LHFPL2: variants seen among roughly 807,000 people sequenced by gnomAD.
LHFPL2 encodes LHFPL tetraspan subfamily member 2, also known as LHFPL tetraspan subfamily member 2 protein.
Under a neutral mutation model 17.5 loss-of-function variants are expected in LHFPL2, and 7 were observed. That is an observed-to-expected ratio of 0.40 (90% CI 0.23 to 0.75). LHFPL2 has a LOEUF of 0.75. Among genes scored for constraint, LHFPL2 ranks in the 30% least tolerant of loss-of-function variants. The probability of loss-of-function intolerance (pLI) is 0.37; values close to 1 mark genes in which losing one functional copy is unlikely to be tolerated. For synonymous variants in LHFPL2, 134 were observed against 116.2 expected, an observed-to-expected ratio of 1.15 and a Z score of -0.99; for missense variants, 241 against 294.8, an observed-to-expected ratio of 0.82 and a Z score of 1.34.
At chr5:78,621,449 G>A (rs1450131939) in intron 2 of LHFPL2, among the ~76,000 whole-genome samples, 1 of 151,954 alleles carries the variant, frequency 6.6e-6, no homozygotes, top group Non-Finnish European at 1.5e-5. Flanking sequence ...CTTCCTTGCA[G>A]TAATACTCTC....
intron 2 of LHFPL2, among the ~76,000 whole-genome samples, chr5:78,571,097 T>C (rs1756988468): frequency 6.6e-6 from 1 of 152,178 alleles, no homozygotes; most frequent in Non-Finnish European, 1.5e-5. Flanking sequence ...TCTTTCCTTT[T>C]CCAAAGGCAG....
chr5:78,530,755 A>C (rs1259059763), intron 3 of LHFPL2, among the ~76,000 whole-genome samples: 1 of 152,236 alleles, frequency 6.6e-6, no homozygotes, highest in Non-Finnish European at 1.5e-5. Flanking sequence ...AGAATTCCAT[A>C]TGCAAATATG....
intron 1 of LHFPL2, among the ~76,000 whole-genome samples, chr5:78,639,079 G>A (rs1356888049): frequency 6.6e-6 from 1 of 152,144 alleles, no homozygotes; most frequent in Non-Finnish European, 1.5e-5. Context: ...AGTGGTTCTT[G>A]CCTAACATGG....
At chr5:78,567,589 T>G (rs998836546) in intron 2 of LHFPL2, among the ~76,000 whole-genome samples, 6 of 152,148 alleles carry the variant, frequency 3.9e-5, no homozygotes, top group Non-Finnish European at 7.3e-5. Context: ...GACTAATGTT[T>G]CTGAAAAACA....
At chr5:78,583,263 G>A (rs1177034324) in intron 2 of LHFPL2, among the ~76,000 whole-genome samples, 2 of 151,594 alleles carry the variant, frequency 1.3e-5, no homozygotes, top group South Asian at 2.1e-4. Context: ...CTTTTAATTG[G>A]AGCATTTAGT....
Position 78,621,804 on chromosome 5 carries a change from G to A in LHFPL2, c.-245+10460C>T, listed in dbSNP as rs140302855. Among the ~76,000 whole-genome samples the A allele has an allele frequency of 3.4e-3, 514 of 152,212 alleles. 4 individuals are homozygous for A. Among genetic ancestry groups the A allele is most frequent in the African/African-American group, 0.012 (499 of 41,518 alleles). ...CAGGTCAGGCCTGTTAATGGTGTGT[G>A]ATACATTGCTATTCTCTCAGGACAA... On this transcript the variant is annotated intron_variant, in intron 2 of 4. Coordinates refer to ENST00000380345, the MANE Select transcript of LHFPL2 (RefSeq NM_005779.3).
At chr5:78,539,867 T>G (rs1197788054) in intron 3 of LHFPL2, among the ~76,000 whole-genome samples, 2 of 151,956 alleles carry the variant, frequency 1.3e-5, no homozygotes, top group Non-Finnish European at 2.9e-5. Context: ...CCCTTCAAAG[T>G]TATTAAGATA....
At chr5:78,534,632 G>A (rs1755888806) in intron 3 of LHFPL2, among the ~76,000 whole-genome samples, 1 of 152,224 alleles carries the variant, frequency 6.6e-6, no homozygotes, top group South Asian at 2.1e-4. Flanking sequence ...TCCTTCCCAT[G>A]TCACTGAAGC....
chr5:78,645,211 A>G (rs1053517907), intron 1 of LHFPL2, among the ~76,000 whole-genome samples: 1 of 151,480 alleles, frequency 6.6e-6, no homozygotes, highest in African/African-American at 2.4e-5. Flanking sequence ...GGGAGCTTCC[A>G]GGGTCTATGG....
Position 78,529,263 on chromosome 5 carries a change from G to A in LHFPL2, c.-185-18865C>T, listed in dbSNP as rs553154250. Among the ~76,000 whole-genome samples, 23 of 152,224 alleles carry A rather than the reference G, an allele frequency of 1.5e-4. 1 individual carries two copies. The highest frequency in any genetic ancestry group is 3.1e-4 in the Non-Finnish European group (21 of 68,040). The stretch of plus-strand genomic sequence containing the variant: ...ATTGTGCCACTACACTCCAGCCTGA[G>A]CAACAGAGTGAGGACCTATTTCTAA... On this transcript the variant is annotated intron_variant, in intron 3 of 4. Transcript: ENST00000380345.
At chr5:78,545,949 T>C (rs966532025) in intron 3 of LHFPL2, among the ~76,000 whole-genome samples, 1 of 152,170 alleles carries the variant, frequency 6.6e-6, no homozygotes, top group Non-Finnish European at 1.5e-5. Flanking sequence ...GAGGCTGAAA[T>C]GAAGAAACTA....
chr5:78,587,374 A>G (rs1743453261), intron 2 of LHFPL2, among the ~76,000 whole-genome samples: 1 of 152,224 alleles, frequency 6.6e-6, no homozygotes, highest in Admixed American at 6.5e-5. Flanking sequence ...ACCACTTTAA[A>G]GGGTCTGCAG....
At chr5:78,548,276 G>T (rs182519207) in intron 3 of LHFPL2, among the ~76,000 whole-genome samples, 5 of 152,324 alleles carry the variant, frequency 3.3e-5, no homozygotes, top group African/African-American at 9.6e-5. Flanking sequence ...AGCTCCACCC[G>T]GCCTTGGGGC....
intron 3 of LHFPL2, among the ~76,000 whole-genome samples, chr5:78,515,322 T>C (rs1274274697): frequency 8.0e-6 from 1 of 124,402 alleles, no homozygotes; most frequent in African/African-American, 3.4e-5. Flanking sequence ...CTGGGCTAGT[T>C]GTCCTACAAA....
intron 2 of LHFPL2, among the ~76,000 whole-genome samples, chr5:78,597,322 GT>G (rs1003025885): frequency 1.3e-5 from 2 of 152,092 alleles, no homozygotes; most frequent in African/African-American, 4.8e-5. Context: ...GTCTCTTCCA[GT>G]TTTTTTCAAT....
chr5:78,584,993 G>GTTTTTTTTTTTT (rs1561352310), intron 2 of LHFPL2, among the ~76,000 whole-genome samples: 3 of 84,774 alleles, frequency 3.5e-5, no homozygotes, highest in African/African-American at 1.5e-4. Context: ...CTGGTGCGCT[G>GTTTTTTTTTTTT]TGTTTTTTTT....
chr5:78,506,011 G>C (rs1754920957), intron 4 of LHFPL2, among the ~76,000 whole-genome samples: 1 of 152,250 alleles, frequency 6.6e-6, no homozygotes, highest in African/African-American at 2.4e-5. Context: ...TCAAGGACAT[G>C]TGCACAGTAT....
intron 3 of LHFPL2, among the ~76,000 whole-genome samples, chr5:78,546,450 A>G (rs1318345684): frequency 6.6e-6 from 1 of 152,210 alleles, no homozygotes. Flanking sequence ...AAACCACTCA[A>G]CCTCAAGACT....
chr5:78,593,458 C>CA (rs1375574020), intron 2 of LHFPL2, among the ~76,000 whole-genome samples: 1 of 152,086 alleles, frequency 6.6e-6, no homozygotes, highest in Non-Finnish European at 1.5e-5. Flanking sequence ...CTTCACACTC[C>CA]AAAAACAGTA....
Sources: allele counts gnomAD v4.1 joint callset (sites outside exome capture counted in the v4.1 genomes callset), GRCh38; gene constraint gnomAD v4.1.1; transcripts MANE v1.5; gene names NCBI Gene and HGNC (gene_info 2026-07-23, HGNC 2026-07-21).